The following UBASH3B variants were observed in gnomAD, a reference collection of about 807,000 sequenced individuals.
The protein encoded by UBASH3B is ubiquitin associated and SH3 domain containing B.
A neutral mutation model predicts 83.4 loss-of-function variants in UBASH3B; 37 were observed. That is an observed-to-expected ratio of 0.44 (90% CI 0.34 to 0.58). The LOEUF (loss-of-function observed/expected upper bound fraction) is 0.58. Among genes scored for constraint, UBASH3B ranks in the 20% least tolerant of loss-of-function variants. The pLI is 0.01. For synonymous variants in UBASH3B, 304 were observed against 318.3 expected (o/e 0.96, Z 0.48); for missense variants, 657 against 827.2 (o/e 0.79, Z 2.52).
Position 122,798,994 on chromosome 11 carries a change from G to A in UBASH3B, c.1410G>A (p.Pro470=), listed in dbSNP as rs532246439. The A allele has an allele frequency of 8.1e-6, 13 of 1,613,968 alleles. No individual in the cohort carries two copies. In the South Asian group the frequency reaches 8.8e-5, roughly 11 times the overall value. Reference sequence around the variant, plus strand: ...TTATCGATCATGTCTATTGCTCCCCGTCCCTTCGCTGCGTTCAGACTGCAC... The same window carrying A: ...TTATCGATCATGTCTATTGCTCCCCATCCCTTCGCTGCGTTCAGACTGCAC... ...NTIIDHVYCS[P]SLRCVQTAHN... is the part of the protein sequence containing the mutation. The change falls in exon 10 of 14, where the codon CCG becomes CCA. Residue 470 remains proline, a synonymous_variant. Transcript: ENST00000284273.
chr11:122,733,836 A>C (rs753479482), intron 1 of UBASH3B, among the ~76,000 whole-genome samples: 7 of 152,224 alleles, frequency 4.6e-5, no homozygotes, highest in Non-Finnish European at 1.0e-4. Context: ...ATGATGCACA[A>C]GAGAATTTAC....
Position 122,777,092 on chromosome 11 carries a change from G to A in UBASH3B, c.284G>A (p.Arg95His), listed in dbSNP as rs150980220. 7.4e-6 allele frequency: 12 copies of A among 1,613,866 alleles called. No individual in the cohort carries two copies. The highest frequency in any genetic ancestry group is 3.3e-5 in the Admixed American group (2 of 59,976). Reference sequence around the variant, plus strand: ...CCCCGGGAGTACGTCCTCTACCTCCGTCCCACCGGCCCCTTAGCACAGAAG... The same window carrying A: ...CCCCGGGAGTACGTCCTCTACCTCCATCCCACCGGCCCCTTAGCACAGAAG... The part of the protein sequence containing the change: ...PLPREYVLYL[R>H]PTGPLAQKLS... The change falls in exon 3 of 14, where the codon CGT (arginine) becomes CAT (histidine). Residue 95 changes from arginine (R) to histidine (H), a missense_variant. Physicochemically the swap from Arg to His is conservative, Grantham distance 29. Coordinates refer to ENST00000284273, the MANE Select transcript of UBASH3B (RefSeq NM_032873.5).
At chr11:122,782,051 G>T (rs1330019843) in intron 4 of UBASH3B, among the ~76,000 whole-genome samples, 1 of 152,026 alleles carries the variant, frequency 6.6e-6, no homozygotes, top group Non-Finnish European at 1.5e-5. Flanking sequence ...CATTATTCTA[G>T]TTTGTACAGT....
At position 122,776,287 on chromosome 11, in the gene UBASH3B, A is replaced by T. The variant is rs1200285367; in HGVS notation, c.215+15A>T. 1 of 1,598,092 alleles carries T rather than the reference A, an allele frequency of 6.3e-7. No individual in the cohort carries two copies. The highest frequency in any genetic ancestry group is 2.3e-5 in the East Asian group (1 of 44,188). On this transcript the variant is annotated intron_variant, in intron 2 of 13. Coordinates refer to ENST00000284273, the MANE Select transcript of UBASH3B (RefSeq NM_032873.5). ...GCATGTGACTGGTTGGTATGAGATA[A>T]ATAAATTGAGAAAATAGCATATAAT...
At chr11:122,672,546 G>A (rs753723613) in intron 1 of UBASH3B, among the ~76,000 whole-genome samples, 3 of 152,070 alleles carry the variant, frequency 2.0e-5, no homozygotes, top group East Asian at 3.9e-4. Flanking sequence ...GGCTGATCTC[G>A]AATTCCTGAC....
chr11:122,723,023 C>T (rs1041191308), intron 1 of UBASH3B, among the ~76,000 whole-genome samples: 8 of 152,142 alleles, frequency 5.3e-5, no homozygotes, highest in African/African-American at 1.2e-4. Context: ...GTATTTCTTT[C>T]GCCATGGGGC....
chr11:122,689,595 G>A (rs1863857675), intron 1 of UBASH3B, among the ~76,000 whole-genome samples: 1 of 152,040 alleles, frequency 6.6e-6, no homozygotes, highest in African/African-American at 2.4e-5. Flanking sequence ...TCCCCACATG[G>A]CAAGCAGCGG....
In UBASH3B at chr11:122,689,695, T is replaced by C. The variant is rs979424351; in HGVS notation, c.161+33485T>C. On this transcript the variant is annotated intron_variant, in intron 1 of 13. Coordinates refer to ENST00000284273, the MANE Select transcript of UBASH3B (RefSeq NM_032873.5). Reference sequence around the variant, plus strand: ...CAGTGGGAGGGCTCTGGCCCCAGACTGCCCTCATCCCCACCAGTTGCAAGT... The same window carrying C: ...CAGTGGGAGGGCTCTGGCCCCAGACCGCCCTCATCCCCACCAGTTGCAAGT... 2.6e-5 allele frequency among the ~76,000 whole-genome samples: 4 copies of C among 152,268 alleles called. 1 individual carries two copies. In the South Asian group the frequency reaches 6.2e-4, roughly 24 times the overall value.
Position 122,794,698 on chromosome 11 carries a change from G to T in UBASH3B, c.981-4G>T. 6.2e-7 allele frequency: 1 copy of T among 1,614,034 alleles called. No homozygotes were observed. Among genetic ancestry groups the T allele is most frequent in the South Asian group, 1.1e-5 (1 of 91,082 alleles). On this transcript the variant is annotated splice_polypyrimidine_tract_variant and splice_region_variant and intron_variant, in intron 6 of 13. Transcript: ENST00000284273. ...GTTAACACCTTCCTTATCTTCCTCT[G>T]CAGTTCTTATTCAATCTTAAATACA...
At chr11:122,745,726 T>C (rs920650001) in intron 1 of UBASH3B, among the ~76,000 whole-genome samples, 1 of 152,208 alleles carries the variant, frequency 6.6e-6, no homozygotes, top group African/African-American at 2.4e-5. Flanking sequence ...TGTGACCACC[T>C]TGTGACTTCT....
intron 11 of UBASH3B, among the ~76,000 whole-genome samples, chr11:122,804,367 T>C (rs140385525): frequency 1.3e-5 from 2 of 152,238 alleles, no homozygotes; most frequent in African/African-American, 4.8e-5. Context: ...GCTGAGAGAA[T>C]GCAGGATATG....
intron 1 of UBASH3B, among the ~76,000 whole-genome samples, chr11:122,711,263 C>T (rs772906020): frequency 1.3e-5 from 2 of 152,254 alleles, no homozygotes; most frequent in Non-Finnish European, 2.9e-5. Context: ...TCCCCCATCT[C>T]CTGTCCAAAC....
In UBASH3B at chr11:122,779,644, G is replaced by T. The variant is rs144907176; in HGVS notation, c.550G>T (p.Val184Phe). The T allele has an allele frequency of 2.6e-5, 42 of 1,614,062 alleles. No individual in the cohort carries two copies. The highest frequency in any genetic ancestry group is 3.5e-5 in the Non-Finnish European group (41 of 1,180,050). The change falls in exon 4 of 14, where the codon GTC (valine) becomes TTC (phenylalanine). Residue 184 changes from valine to phenylalanine, a missense_variant. By Grantham distance (50) the Val-to-Phe change is conservative. Transcript: ENST00000284273. ...CTTTGTAAAGGAAGACAGTGCGGAG[G>T]TCCTCAAGAAGTTTGCTGCTGACTT... The part of the protein sequence containing the change: ...GLFVKEDSAE[V>F]LKKFAADFAA...
intron 1 of UBASH3B, among the ~76,000 whole-genome samples, chr11:122,670,034 G>C (rs1264819860): frequency 6.6e-6 from 1 of 152,194 alleles, no homozygotes; most frequent in Non-Finnish European, 1.5e-5. Flanking sequence ...GGTCAAGAGG[G>C]CAACCCGACT....
intron 3 of UBASH3B, among the ~76,000 whole-genome samples, chr11:122,778,308 A>G (rs1237205156): frequency 6.6e-6 from 1 of 152,110 alleles, no homozygotes; most frequent in Admixed American, 6.6e-5. Flanking sequence ...CCTCTTAGTC[A>G]TCCCAGGATC....
intron 1 of UBASH3B, among the ~76,000 whole-genome samples, chr11:122,712,424 T>G (rs1389411647): frequency 6.6e-6 from 1 of 151,998 alleles, no homozygotes; most frequent in Non-Finnish European, 1.5e-5. Context: ...GCTTCCTTGG[T>G]GGGGGACGCA....
intron 1 of UBASH3B, among the ~76,000 whole-genome samples, chr11:122,715,908 C>T (rs1303123762): frequency 6.6e-6 from 1 of 152,246 alleles, no homozygotes; most frequent in Non-Finnish European, 1.5e-5. Context: ...GGTGTTCAAC[C>T]CCTTGAATTG....
intron 11 of UBASH3B, among the ~76,000 whole-genome samples, chr11:122,805,229 T>C (rs1181812886): frequency 6.6e-6 from 1 of 152,200 alleles, no homozygotes; most frequent in East Asian, 1.9e-4. Flanking sequence ...GGAACTCCCC[T>C]TTTTAAAACG....
intron 5 of UBASH3B, among the ~76,000 whole-genome samples, chr11:122,784,482 A>G (rs930131602): frequency 6.6e-6 from 1 of 152,170 alleles, no homozygotes; most frequent in Non-Finnish European, 1.5e-5. Context: ...CAGCATAGTG[A>G]GACTGTATCT....
Sources: allele counts gnomAD v4.1 joint callset (sites outside exome capture counted in the v4.1 genomes callset), GRCh38; gene constraint gnomAD v4.1.1; transcripts MANE v1.5; gene names NCBI Gene and HGNC (gene_info 2026-07-23, HGNC 2026-07-21).